The following FHOD3 variants were observed in gnomAD, a reference collection of about 807,000 sequenced individuals.
FHOD3 encodes formin homology 2 domain containing 3.
In FHOD3, 90 loss-of-function variants were observed where a neutral mutation model predicts 173.0. That is an observed-to-expected ratio of 0.52 (90% CI 0.44 to 0.62). The LOEUF is 0.62. Among genes scored for constraint, FHOD3 ranks in the 20% least tolerant of loss-of-function variants. The pLI is 0.00. For synonymous variants in FHOD3, 828 were observed against 823.0 expected (o/e 1.01, Z -0.10); for missense variants, 1,945 against 2,034.7 (o/e 0.96, Z 0.85).
chr18:36,709,414 G>T, intron 18 of FHOD3, 23 bp downstream of exon 18: 1 of 1,598,702 alleles, frequency 6.3e-7, no homozygotes, highest in Non-Finnish European at 8.5e-7. Context: ...CCTTGTTTCA[G>T]TCGGCATGTG....
intron 3 of FHOD3, among the ~76,000 whole-genome samples, chr18:36,443,513 T>A (rs1193830282): frequency 6.6e-6 from 1 of 152,242 alleles, no homozygotes; most frequent in African/African-American, 2.4e-5. Context: ...CTCATCACAT[T>A]TTTTGAATGT....
At chr18:36,446,334 C>T (rs962099661) in intron 3 of FHOD3, among the ~76,000 whole-genome samples, 3 of 151,644 alleles carry the variant, frequency 2.0e-5, no homozygotes, top group Admixed American at 6.6e-5. Flanking sequence ...GAGCCAGCCA[C>T]GGAGTCAGGC....
chr18:36,722,268 TC>T (rs2040832441), intron 19 of FHOD3, among the ~76,000 whole-genome samples: 1 of 152,118 alleles, frequency 6.6e-6, no homozygotes. Context: ...CCCTGAGACT[TC>T]CTTGGGCTTG....
chr18:36,298,009 C>G lies in FHOD3; in HGVS notation c.165+9C>G. 6.5e-7 allele frequency: 1 copy of G among 1,529,450 alleles called. No homozygotes were observed. Among genetic ancestry groups the G allele is most frequent in the South Asian group, 1.2e-5 (1 of 81,160 alleles). The allele number at this position is 1,529,450 out of a possible 1,614,324, so 94.7% of individuals were successfully genotyped here. ...TGCAGGCGCCGCACAAGGTACGACC[C>G]GGCGGGGTGGGCTGGGCCCCCTGGA... On this transcript the variant is annotated intron_variant, in intron 1 of 28. Transcript: ENST00000590592.
chr18:36,578,110 T>C (rs554234720), intron 6 of FHOD3, among the ~76,000 whole-genome samples: 2 of 152,300 alleles, frequency 1.3e-5, no homozygotes, highest in East Asian at 3.9e-4. Context: ...AGAATCAGCA[T>C]AGCTTTGTAG....
intron 6 of FHOD3, among the ~76,000 whole-genome samples, chr18:36,579,818 C>T (rs925248829): frequency 1.3e-5 from 2 of 151,766 alleles, no homozygotes; most frequent in Non-Finnish European, 2.9e-5. Flanking sequence ...TACCCAGTCT[C>T]AGGTATTTCT....
chr18:36,650,812 T>C lies in FHOD3; in HGVS notation c.1286+1407T>C, dbSNP rs77109258. ...AAAAGGCGGCCTTCAAAGGCATCCC[T>C]GTTAATGGTGTGCTGTCTCTACCTA... On this transcript the variant is annotated intron_variant, in intron 11 of 28. Coordinates refer to ENST00000590592, the MANE Select transcript of FHOD3 (RefSeq NM_001281740.3). 6.4e-3 allele frequency among the ~76,000 whole-genome samples: 971 copies of C among 152,348 alleles called. 8 individuals carry two copies. Among genetic ancestry groups the C allele is most frequent in the African/African-American group, 0.022 (913 of 41,578 alleles).
At chr18:36,560,000 C>T (rs1028795939) in intron 5 of FHOD3, among the ~76,000 whole-genome samples, 1 of 152,096 alleles carries the variant, frequency 6.6e-6, no homozygotes, top group Non-Finnish European at 1.5e-5. Context: ...TGAATTCTTT[C>T]TAGGATCCCT....
intron 5 of FHOD3, among the ~76,000 whole-genome samples, chr18:36,559,128 T>C (rs1161297802): frequency 1.3e-5 from 2 of 152,216 alleles, no homozygotes; most frequent in Admixed American, 1.3e-4. Context: ...CACTTACTCC[T>C]GGTCTTTGAC....
intron 13 of FHOD3, among the ~76,000 whole-genome samples, chr18:36,655,687 G>A (rs1324918889): frequency 5.9e-5 from 9 of 152,032 alleles, no homozygotes; most frequent in Non-Finnish European, 8.8e-5. Context: ...GGTTGACTGC[G>A]ATTGAATGGG....
chr18:36,385,051 C>T (rs2047964243), intron 3 of FHOD3, among the ~76,000 whole-genome samples: 1 of 152,188 alleles, frequency 6.6e-6, no homozygotes, highest in Non-Finnish European at 1.5e-5. Context: ...CTGATCTGGA[C>T]TGAAATGTAT....
At chr18:36,573,001 T>C (rs1281061729) in intron 5 of FHOD3, among the ~76,000 whole-genome samples, 4 of 151,460 alleles carry the variant, frequency 2.6e-5, no homozygotes, top group African/African-American at 9.7e-5. Context: ...GGGCAGAATG[T>C]GCCGAATTCT....
In FHOD3 at chr18:36,709,242, C is replaced by T. The variant is rs200191001; in HGVS notation, c.2384C>T (p.Pro795Leu). 121 of 1,613,922 alleles carry T rather than the reference C, an allele frequency of 7.5e-5. No homozygotes were observed. The highest frequency in any genetic ancestry group is 6.6e-4 in the Middle Eastern group (4 of 6,084). The change falls in exon 18 of 29, where the codon CCG becomes CTG. Residue 795 changes from proline (P) to leucine (L), a missense_variant. By Grantham distance (98) the Pro-to-Leu change is moderately conservative. This residue lies in a region of FHOD3 where 1,099 missense variants were observed against 1,051.2 expected (regional missense o/e 1.05). Coordinates refer to ENST00000590592, the MANE Select transcript of FHOD3 (RefSeq NM_001281740.3). The part of the protein sequence containing the change: ...TEVEQALEQE[P>L]EERASLSEKE... ...GTGGAGCAGGCACTAGAGCAAGAGCCGGAAGAAAGAGCCTCCCTCAGTGAA... is the reference window on the plus strand; with the variant it reads ...GTGGAGCAGGCACTAGAGCAAGAGCTGGAAGAAAGAGCCTCCCTCAGTGAA...
At chr18:36,637,980 T>C (rs771840438) in intron 10 of FHOD3, among the ~76,000 whole-genome samples, 7 of 152,162 alleles carry the variant, frequency 4.6e-5, no homozygotes, top group African/African-American at 7.2e-5. Context: ...TGTAAAAAGA[T>C]TGTAGAATAA....
intron 7 of FHOD3, among the ~76,000 whole-genome samples, chr18:36,601,318 T>A (rs1470986233): frequency 1.3e-5 from 2 of 152,210 alleles, no homozygotes; most frequent in Non-Finnish European, 2.9e-5. Context: ...CATTTGTGCC[T>A]TTTACGTCTT....
intron 14 of FHOD3, among the ~76,000 whole-genome samples, chr18:36,674,628 A>G (rs979550001): frequency 2.0e-5 from 3 of 152,212 alleles, no homozygotes; most frequent in African/African-American, 7.2e-5. Flanking sequence ...AATGGAGGTC[A>G]GTAAAACTTT....
At chr18:36,411,796 T>C (rs2049363476) in intron 3 of FHOD3, among the ~76,000 whole-genome samples, 1 of 152,210 alleles carries the variant, frequency 6.6e-6, no homozygotes, top group Non-Finnish European at 1.5e-5. Flanking sequence ...CCCCCTAACT[T>C]ATTCCAGTGC....
intron 18 of FHOD3, chr18:36,710,470 C>T (rs2040111733): frequency 6.6e-6 from 1 of 152,196 alleles, no homozygotes; most frequent in African/African-American, 2.4e-5. Context: ...GTCTCAGAAG[C>T]ATGGATGAAC....
chr18:36,765,424 A>G (rs1285136601), intron 27 of FHOD3, among the ~76,000 whole-genome samples: 1 of 152,230 alleles, frequency 6.6e-6, no homozygotes, highest in Admixed American at 6.5e-5. Flanking sequence ...CACAAAGTCC[A>G]GTGTAATAAA....
Sources: allele counts gnomAD v4.1 joint callset (sites outside exome capture counted in the v4.1 genomes callset), GRCh38; gene constraint gnomAD v4.1.1; regional missense constraint gnomAD v4.1.1; transcripts MANE v1.5; gene names NCBI Gene and HGNC (gene_info 2026-07-23, HGNC 2026-07-21).